Variants in SLC1A7 observed in about 807,000 individuals in gnomAD.
SLC1A7 encodes solute carrier family 1 member 7, also known as excitatory amino acid transporter 5.
SLC1A7 carries 40 observed loss-of-function variants against 47.7 expected under a neutral mutation model. The observed-to-expected ratio is 0.84, with a 90% CI of 0.65 to 1.09. The LOEUF (loss-of-function observed/expected upper bound fraction) is 1.09. Ranked by LOEUF, SLC1A7 falls within the 50% of genes least tolerant of loss-of-function variation. The pLI, the probability that SLC1A7 is intolerant of heterozygous loss-of-function variation, is 0.00. For missense variants in SLC1A7, 746 were observed against 769.5 expected (o/e 0.97, Z 0.36); for synonymous variants, 323 against 325.6 (o/e 0.99, Z 0.09).
chr1:53,129,193 A>AG lies in SLC1A7; in HGVS notation c.215+5156_215+5157insC, dbSNP rs1281202828. ...GACTATGTCTCAAAAAAGAAAAAAAAAAAGAAAAAAGAAAAACATGGGACA... is the reference window on the plus strand; with the variant it reads ...GACTATGTCTCAAAAAAGAAAAAAAAGAAAGAAAAAAGAAAAACATGGGACA... On this transcript the variant is annotated intron_variant, in intron 2 of 10. Coordinates refer to ENST00000371494, the MANE Select transcript of SLC1A7 (RefSeq NM_006671.6). Among the ~76,000 whole-genome samples, 11 of 96,378 alleles carry AG rather than the reference A, an allele frequency of 1.1e-4. 3 individuals are homozygous for AG. Among genetic ancestry groups the AG allele is most frequent in the East Asian group, 3.1e-4 (1 of 3,178 alleles). 63.2% of individuals were successfully genotyped at this position (96,378 alleles called of 152,430 possible). A position where few individuals can be genotyped will look rare whatever the true frequency, so the allele number is the denominator to read the frequency against.
intron 3 of SLC1A7, chr1:53,108,325 A>G: frequency 2.1e-6 from 1 of 477,104 alleles, no homozygotes; most frequent in Non-Finnish European, 3.7e-6. Context: ...TAAGAAGCCA[A>G]ATGGAACTTA....
rs1223539683 is a variant in SLC1A7, at chr1:53,129,252, A to C, written c.215+5098T>G. On this transcript the variant is annotated intron_variant, in intron 2 of 10. Transcript: ENST00000371494. ...GTACCAGGAGCCATGCTGGGTCTTCACGTACATTCTCTTACTTACTTTTCG... is the reference window on the plus strand; with the variant it reads ...GTACCAGGAGCCATGCTGGGTCTTCCCGTACATTCTCTTACTTACTTTTCG... Among the ~76,000 whole-genome samples, 6 of 94,728 alleles carry C rather than the reference A, an allele frequency of 6.3e-5. 1 individual carries two copies. In the East Asian group the frequency reaches 1.6e-3, roughly 25 times the overall value. The allele number at this position is 94,728 out of a possible 152,430, so 62.1% of individuals were successfully genotyped here.
chr1:53,096,920 G>T (rs897685896), intron 5 of SLC1A7, among the ~76,000 whole-genome samples: 4 of 141,766 alleles, frequency 2.8e-5, no homozygotes, highest in Non-Finnish European at 6.1e-5. Flanking sequence ...CACCCCCTCA[G>T]TACACTCACA....
intron 5 of SLC1A7, among the ~76,000 whole-genome samples, chr1:53,095,173 T>G (rs896619591): frequency 9.9e-5 from 15 of 151,600 alleles, no homozygotes; most frequent in African/African-American, 3.6e-4. Flanking sequence ...CAGGCAGATG[T>G]GGGCACACGC....
Position 53,096,648 on chromosome 1 carries a change from TCA to T in SLC1A7, c.698-3090_698-3089del, listed in dbSNP as rs570451184. Among the ~76,000 whole-genome samples the T allele has an allele frequency of 2.8e-3, 407 of 146,088 alleles. 1 individual carries two copies. Among genetic ancestry groups the T allele is most frequent in the African/African-American group, 9.5e-3 (371 of 39,004 alleles). Reference sequence around the variant, plus strand: ...CAGTACACATACCACTTCGGTACACTCACACATCCACACACACTGCCTCAGTA... The same window carrying T: ...CAGTACACATACCACTTCGGTACACTCACATCCACACACACTGCCTCAGTA... On this transcript the variant is annotated intron_variant, in intron 5 of 10. Transcript: ENST00000371494.
Position 53,089,863 on chromosome 1 carries a change from A to C in SLC1A7, c.1298T>G (p.Val433Gly), listed in dbSNP as rs1557664941. 6.2e-7 allele frequency: 1 copy of C among 1,613,926 alleles called. No homozygotes were observed. The highest frequency in any genetic ancestry group is 1.1e-5 in the South Asian group (1 of 91,072). Residue 433 changes from valine (V) to glycine (G), a missense_variant, in exon 9 of 11, where the codon GTG (valine) becomes GGG (glycine). Transcript: ENST00000371494. ...GGTGGGCAGTCCCACGGAGGTGAGC[A>C]CGATGACCATGGTGACGAGGCCGGC... ...PQAGLVTMVIVLTSVGLPTDD... is the reference protein window; with the variant it reads ...PQAGLVTMVIGLTSVGLPTDD...
chr1:53,135,769 G>T (rs1644986076), intron 1 of SLC1A7, among the ~76,000 whole-genome samples: 1 of 152,136 alleles, frequency 6.6e-6, no homozygotes, highest in South Asian at 2.1e-4. Flanking sequence ...ATTCAGTTCT[G>T]CTACTTCTGG....
chr1:53,095,891 C>A lies in SLC1A7; in HGVS notation c.698-2331G>T, dbSNP rs1168845163. 1.0e-4 allele frequency among the ~76,000 whole-genome samples: 15 copies of A among 149,298 alleles called. 1 individual carries two copies. ...ACACCACCTTGGTACATTCACATCG[C>A]CTCGGTACACTCACACAACCCGCCT... On this transcript the variant is annotated intron_variant, in intron 5 of 10. Transcript: ENST00000371494.
At chr1:53,122,347 C>T (rs1321664354) in intron 2 of SLC1A7, among the ~76,000 whole-genome samples, 1 of 152,202 alleles carries the variant, frequency 6.6e-6, no homozygotes. Flanking sequence ...CTGGCCTTGG[C>T]TGACCTAGCC....
At chr1:53,097,772 ACCTCAGTACACTCACACACACCG>A (rs1347820838) in intron 5 of SLC1A7, among the ~76,000 whole-genome samples, 7 of 120,614 alleles carry the variant, frequency 5.8e-5, no homozygotes, top group South Asian at 2.6e-4. Context: ...CACACACAGC[ACCTCAGTACACTCACACACACCG>A]CCTCAGTACA....
chr1:53,137,059 G>A (rs1645008249), intron 1 of SLC1A7, among the ~76,000 whole-genome samples: 1 of 152,142 alleles, frequency 6.6e-6, no homozygotes, highest in African/African-American at 2.4e-5. Context: ...GGCCAAGGTA[G>A]GTGGATCACT....
At chr1:53,127,005 G>A (rs1330389542) in intron 2 of SLC1A7, among the ~76,000 whole-genome samples, 1 of 148,558 alleles carries the variant, frequency 6.7e-6, no homozygotes, top group Non-Finnish European at 1.5e-5. Context: ...CAGGACTACA[G>A]GTGCCCACCA....
At chr1:53,114,289 G>C (rs1364118338) in intron 3 of SLC1A7, among the ~76,000 whole-genome samples, 1 of 152,186 alleles carries the variant, frequency 6.6e-6, no homozygotes, top group Non-Finnish European at 1.5e-5. Flanking sequence ...CACTGCCATT[G>C]CTAGGGGGTG....
At chr1:53,119,226 A>T (rs1644794593) in intron 2 of SLC1A7, among the ~76,000 whole-genome samples, 1 of 152,108 alleles carries the variant, frequency 6.6e-6, no homozygotes, top group African/African-American at 2.4e-5. Context: ...TAATGTCAAG[A>T]TTGGAACAGG....
chr1:53,129,482 CAAG>C (rs1447295169), intron 2 of SLC1A7, among the ~76,000 whole-genome samples: 199 of 106,940 alleles, frequency 1.9e-3, no homozygotes, highest in Middle Eastern at 6.1e-3. Context: ...CACCACTGGT[CAAG>C]CGTGGGCTGC....
At chr1:53,104,575 C>A (rs533000184) in intron 4 of SLC1A7, among the ~76,000 whole-genome samples, 1 of 152,346 alleles carries the variant, frequency 6.6e-6, no homozygotes, top group East Asian at 1.9e-4. Flanking sequence ...CTTTATCTCT[C>A]ACACCCTCAA....
chr1:53,103,754 T>C, intron 4 of SLC1A7, 186 bp from the exon 5 acceptor site: 1 of 529,424 alleles, frequency 1.9e-6, no homozygotes, highest in Non-Finnish European at 3.3e-6. Flanking sequence ...AAGCTGCAAC[T>C]CCTTCCTCTA....
chr1:53,107,389 A>G (rs995882872), intron 3 of SLC1A7, among the ~76,000 whole-genome samples: 2 of 152,178 alleles, frequency 1.3e-5, no homozygotes, highest in Non-Finnish European at 2.9e-5. Flanking sequence ...ATGGAATCCA[A>G]ACGAGATCCG....
At position 53,088,908 on chromosome 1, in the gene SLC1A7, C is replaced by T. The variant is rs542658976; in HGVS notation, c.1433G>A (p.Arg478Gln). ...LAAGIMAHIC[R>Q]KDFARDTGTE... is the part of the protein sequence containing the mutation. Reference sequence around the variant, plus strand: ...GCCTGTGTCCCGGGCAAAATCCTTCCGACATATATGGGCCATGATCCCCGC... The same window carrying T: ...GCCTGTGTCCCGGGCAAAATCCTTCTGACATATATGGGCCATGATCCCCGC... The change falls in exon 10 of 11, where the codon CGG becomes CAG. Residue 478 changes from arginine (R) to glutamine (Q), a missense_variant. Transcript: ENST00000371494. 4.7e-5 allele frequency: 76 copies of T among 1,614,024 alleles called. 1 individual carries two copies. The South Asian group carries it at 6.3e-4, about 13-fold the overall frequency.
Sources: gnomAD v4.1 joint callset for allele counts (sites outside exome capture counted in the v4.1 genomes callset) on GRCh38, gnomAD v4.1.1 for gene constraint, MANE v1.5 for transcripts, NCBI Gene and HGNC (gene_info 2026-07-23, HGNC 2026-07-21) for gene names.